BRWD3: variants seen among roughly 807,000 people sequenced by gnomAD.
BRWD3 encodes bromodomain and WD repeat-containing protein 3.
A neutral mutation model predicts 149.7 loss-of-function variants in BRWD3; 10 were observed. That is an observed-to-expected ratio of 0.07 (90% CI 0.04 to 0.11). The LOEUF (loss-of-function observed/expected upper bound fraction) is 0.11, where lower values mean the gene tolerates loss of function less well. Ranked by LOEUF, BRWD3 falls within the 10% of genes least tolerant of loss-of-function variation. BRWD3 has a pLI of 1.00. For synonymous variants in BRWD3, 504 were observed against 456.7 expected, an observed-to-expected ratio of 1.10 and a Z score of -1.32; for missense variants, 940 against 1,373.2, an observed-to-expected ratio of 0.68 and a Z score of 4.99.
At chrX:80,746,347 T>C (rs764106340) in intron 6 of BRWD3, among the ~76,000 whole-genome samples, 1 of 111,241 alleles carries the variant, frequency 9.0e-6, no homozygotes, top group African/African-American at 3.3e-5. Flanking sequence ...ACAATGAACT[T>C]TAAAGGCTTC....
intron 6 of BRWD3, among the ~76,000 whole-genome samples, chrX:80,753,682 CTTGAG>C (rs938169445): frequency 3.6e-5 from 4 of 111,687 alleles, no homozygotes; most frequent in Non-Finnish European, 7.5e-5. Flanking sequence ...TTTAATTCAT[CTTGAG>C]TTGATTTTTT....
chrX:80,701,320 G>C (rs768447919), intron 24 of BRWD3, among the ~76,000 whole-genome samples: 1 of 109,479 alleles, frequency 9.1e-6, no homozygotes, highest in Non-Finnish European at 1.9e-5. Context: ...GGCCGAGATT[G>C]GTGGATCACC....
At chrX:80,803,255 AAAAACT>A (rs2074321221) in intron 4 of BRWD3, among the ~76,000 whole-genome samples, 1 of 111,927 alleles carries the variant, frequency 8.9e-6, no homozygotes, top group Non-Finnish European at 1.9e-5. Flanking sequence ...GTAGTAAAAC[AAAAACT>A]AAAACACAGG....
chrX:80,719,358 G>T, intron 18 of BRWD3, 131 bp downstream of exon 18: 1 of 558,642 alleles, frequency 1.8e-6, no homozygotes, highest in Non-Finnish European at 2.7e-6. Flanking sequence ...CAATATATCT[G>T]ATATCAAAAT....
intron 6 of BRWD3, among the ~76,000 whole-genome samples, chrX:80,771,779 C>G (rs1264277810): frequency 1.8e-5 from 2 of 111,619 alleles, no homozygotes; most frequent in Non-Finnish European, 3.8e-5. Flanking sequence ...AAGAGAAAAA[C>G]AAACAACCCT....
In BRWD3 at chrX:80,717,762, A is replaced by C. The variant is rs1454749678; in HGVS notation, c.2045-3T>G. ...GTCCATGTTTGGACTTCTCAGAGCT[A>C]AAACAAAAACAAGGAAAATTATCAC... is the stretch of plus-strand genomic sequence containing the variant. On this transcript the variant is annotated splice_polypyrimidine_tract_variant and splice_region_variant and intron_variant, in intron 18 of 40. Coordinates refer to ENST00000373275, the MANE Select transcript of BRWD3 (RefSeq NM_153252.5). The C allele has an allele frequency of 8.3e-7, 1 of 1,208,413 alleles. No individual in the cohort carries two copies. The highest frequency in any genetic ancestry group is 1.7e-5 in the African/African-American group (1 of 57,729).
chrX:80,691,991 T>TAA lies in BRWD3; in HGVS notation c.3326-15_3326-14dup, dbSNP rs765175433. ...TCTGGAAAGGCAGCTAGGTATAAGA[T>TAA]AAAAAAAAAAAAATTAGAAAAAATT... On this transcript the variant is annotated splice_polypyrimidine_tract_variant and intron_variant, in intron 29 of 40. Transcript: ENST00000373275. 1.6e-5 allele frequency: 15 copies of TAA among 931,584 alleles called. No individual in the cohort carries two copies. Among genetic ancestry groups the TAA allele is most frequent in the Admixed American group, 1.1e-4 (4 of 35,266 alleles). 76.8% of individuals were successfully genotyped at this position (931,584 alleles called of 1,213,427 possible).
chrX:80,781,984 T>C (rs2074062345), intron 6 of BRWD3, among the ~76,000 whole-genome samples: 1 of 111,943 alleles, frequency 8.9e-6, no homozygotes, highest in African/African-American at 3.2e-5. Context: ...AATGACATTC[T>C]TCACAGAAAT....
At chrX:80,745,018 A>C (rs1227580759) in intron 7 of BRWD3, among the ~76,000 whole-genome samples, 1 of 111,928 alleles carries the variant, frequency 8.9e-6, no homozygotes, top group Non-Finnish European at 1.9e-5. Flanking sequence ...AATGAGATTA[A>C]GCTTTCTTTT....
At chrX:80,740,273 TA>T (rs1001281231) in intron 8 of BRWD3, among the ~76,000 whole-genome samples, 8 of 112,220 alleles carry the variant, frequency 7.1e-5, no homozygotes, top group Non-Finnish European at 5.6e-5. Context: ...CTCCAAAGTG[TA>T]AAAATTTTAA....
At chrX:80,760,193 T>C (rs1438738120) in intron 6 of BRWD3, among the ~76,000 whole-genome samples, 1 of 111,976 alleles carries the variant, frequency 8.9e-6, no homozygotes, top group East Asian at 2.8e-4. Context: ...TTTGTGGATT[T>C]CTTTTCTATT....
intron 17 of BRWD3, among the ~76,000 whole-genome samples, chrX:80,721,894 T>G (rs753187834): frequency 5.3e-4 from 59 of 112,008 alleles, no homozygotes; most frequent in African/African-American, 1.8e-3. Flanking sequence ...TCGCCCAGTC[T>G]GGAGTGCAGT....
chrX:80,708,880 T>G (rs2072913296), intron 21 of BRWD3, among the ~76,000 whole-genome samples: 2 of 110,358 alleles, frequency 1.8e-5, no homozygotes, highest in African/African-American at 6.6e-5. Flanking sequence ...CAATGCATGA[T>G]TAAACCTTCA....
At chrX:80,746,390 AT>A (rs1165620772) in intron 6 of BRWD3, among the ~76,000 whole-genome samples, 27 of 107,099 alleles carry the variant, frequency 2.5e-4, no homozygotes, top group East Asian at 5.8e-4. Context: ...GTCCTATCTC[AT>A]TTTTTTTTCT....
At chrX:80,696,038 T>C in intron 26 of BRWD3, 48 bp from the exon 27 acceptor site, 1 of 1,022,186 alleles carries the variant, frequency 9.8e-7, no homozygotes, top group Non-Finnish European at 1.4e-6. Flanking sequence ...GATATAACAA[T>C]ATATGTTACT....
intron 14 of BRWD3, among the ~76,000 whole-genome samples, chrX:80,725,555 T>C (rs1461107691): frequency 1.8e-5 from 2 of 112,578 alleles, no homozygotes; most frequent in African/African-American, 6.4e-5. Context: ...GGGAGTTCCA[T>C]TTAAGATGTT....
intron 6 of BRWD3, among the ~76,000 whole-genome samples, chrX:80,770,941 A>G (rs2073936975): frequency 1.8e-5 from 2 of 111,786 alleles, no homozygotes; most frequent in Middle Eastern, 9.3e-3. Flanking sequence ...AATCACAAGC[A>G]TCCCTATACA....
rs760954388 is a variant in BRWD3 at position 80,730,308 on chromosome X, TG to T, written c.1128-289del. On this transcript the variant is annotated intron_variant, in intron 12 of 40. Transcript: ENST00000373275. Reference sequence around the variant, plus strand: ...GCATTATTCATAATAAGTCAAAAAGTGGAAACAACCCAAATGTCCATCAACG... The same window carrying T: ...GCATTATTCATAATAAGTCAAAAAGTGAAACAACCCAAATGTCCATCAACG... Among the ~76,000 whole-genome samples, 8 of 107,424 alleles carry T rather than the reference TG, an allele frequency of 7.4e-5. No homozygotes were observed. In the East Asian group the frequency reaches 2.3e-3, roughly 31 times the overall value. 93.3% of individuals were successfully genotyped at this position (107,424 alleles called of 115,157 possible).
intron 6 of BRWD3, among the ~76,000 whole-genome samples, chrX:80,754,823 A>G (rs768761156): frequency 1.8e-5 from 2 of 111,475 alleles, no homozygotes; most frequent in African/African-American, 3.3e-5. Flanking sequence ...CCTGGCCAAC[A>G]TGGTGAAACC....
Sources: gnomAD v4.1 joint callset for allele counts (sites outside exome capture counted in the v4.1 genomes callset) on GRCh38, gnomAD v4.1.1 for gene constraint, MANE v1.5 for transcripts, NCBI Gene and HGNC (gene_info 2026-07-23, HGNC 2026-07-21) for gene names.